The following AP2A2 variants were observed in gnomAD, a reference collection of about 807,000 sequenced individuals.
The protein encoded by AP2A2 is adaptor related protein complex 2 subunit alpha 2.
In AP2A2, 32 loss-of-function variants were observed where a neutral mutation model predicts 104.2. The ratio of observed to expected loss-of-function variants is 0.31; its 90% CI spans 0.23 to 0.41. The LOEUF (loss-of-function observed/expected upper bound fraction) is 0.41. Among genes scored for constraint, AP2A2 ranks in the 10% least tolerant of loss-of-function variants. AP2A2 has a pLI of 1.00. For missense variants in AP2A2, 912 were observed against 1,261.0 expected, an observed-to-expected ratio of 0.72 and a Z score of 4.19; for synonymous variants, 539 against 533.3, an observed-to-expected ratio of 1.01 and a Z score of -0.15.
intron 4 of AP2A2, among the ~76,000 whole-genome samples, chr11:973,219 C>T (rs374094712): frequency 6.4e-4 from 98 of 152,324 alleles, no homozygotes; most frequent in African/African-American, 2.2e-3. Flanking sequence ...CCTAGACCGG[C>T]GTCTCAACTG....
At chr11:1,005,487 G>A (rs999563569) in intron 16 of AP2A2, among the ~76,000 whole-genome samples, 1 of 152,174 alleles carries the variant, frequency 6.6e-6, no homozygotes, top group African/African-American at 2.4e-5. Flanking sequence ...GAAGGTGAAT[G>A]TTAGTGTATT....
At position 1,010,612 on chromosome 11, in the gene AP2A2, C is replaced by T. The variant is rs1856394457; in HGVS notation, c.2807C>T (p.Ser936Leu). 6.3e-7 allele frequency: 1 copy of T among 1,595,156 alleles called. No individual in the cohort carries two copies. Among genetic ancestry groups the T allele is most frequent in the Non-Finnish European group, 8.5e-7 (1 of 1,170,854 alleles). Residue 936 changes from serine (S) to leucine (L), a missense_variant, in exon 22 of 22, where the codon TCA becomes TTA. By Grantham distance (145) the Ser-to-Leu change is moderately radical (BLOSUM62 -2). Around this residue, in one of 7 missense-constraint regions of AP2A2, gnomAD observed 239 missense variants for 329.8 expected, o/e 0.72. Coordinates refer to ENST00000448903, the MANE Select transcript of AP2A2 (RefSeq NM_012305.4). Reference protein sequence around the residue: ...AVSQRLCELLSAQF With the variant: ...AVSQRLCELLLAQF ...TCTCAGAGATTATGTGAATTGCTCT[C>T]AGCGCAGTTTTAGTCCTGAGGATGG...
chr11:1,009,031 C>CT, intron 18 of AP2A2, 69 bp from the exon 19 acceptor site: 2 of 1,352,588 alleles, frequency 1.5e-6, no homozygotes, highest in Non-Finnish European at 2.1e-6. Context: ...ACTCCAGGCT[C>CT]TTTCCCGGTC....
chr11:932,801 C>G (rs1177387954), intron 1 of AP2A2: 1 of 455,724 alleles, frequency 2.2e-6, no homozygotes, highest in Non-Finnish European at 4.4e-6. Context: ...TCTTTTATGA[C>G]AAGTTGAAGT....
chr11:1,000,117 C>A (rs1328981324), intron 14 of AP2A2, among the ~76,000 whole-genome samples: 2 of 152,058 alleles, frequency 1.3e-5, no homozygotes, highest in Non-Finnish European at 2.9e-5. Context: ...TTTTTTATGT[C>A]TTTCATGGCA....
chr11:986,716 C>T (rs1052213658), intron 8 of AP2A2, 69 bp from the exon 9 acceptor site: 17 of 1,547,498 alleles, frequency 1.1e-5, no homozygotes, highest in East Asian at 7.0e-5. Context: ...CGTCGGGGAA[C>T]GCAGACTCTG....
At chr11:985,273 G>A (rs1486758767) in intron 7 of AP2A2, 162 bp from the exon 8 acceptor site, 5 of 939,108 alleles carry the variant, frequency 5.3e-6, no homozygotes, top group Non-Finnish European at 7.7e-6. Context: ...GTGAGCCACC[G>A]TGCCCGGCCT....
At chr11:941,000 G>A (rs1853627064) in intron 1 of AP2A2, 3 of 445,314 alleles carry the variant, frequency 6.7e-6, no homozygotes, top group South Asian at 4.7e-5. Context: ...GAGGCCCCTT[G>A]CTCCACACTC....
chr11:1,002,435 T>C (rs977876279), intron 15 of AP2A2, among the ~76,000 whole-genome samples: 1 of 152,262 alleles, frequency 6.6e-6, no homozygotes, highest in Non-Finnish European at 1.5e-5. Context: ...GTGTGTTGCT[T>C]AGACCACACT....
chr11:985,726 C>A, intron 8 of AP2A2, 144 bp downstream of exon 8: 1 of 1,212,796 alleles, frequency 8.2e-7, no homozygotes, highest in Non-Finnish European at 1.1e-6. Flanking sequence ...CTGCCGGATG[C>A]TTTTTTTCTT....
chr11:993,376 A>G lies in AP2A2; in HGVS notation c.1545A>G (p.Arg515=). 1.2e-6 allele frequency: 2 copies of G among 1,609,156 alleles called. No homozygotes were observed. Among genetic ancestry groups the G allele is most frequent in the Non-Finnish European group, 1.7e-6 (2 of 1,178,528 alleles). ...GAAACTTGATAGCTGGAGACCCGAGATCCAGGTGAGAGGCCCTTTGCGAGT... is the reference window on the plus strand; with the variant it reads ...GAAACTTGATAGCTGGAGACCCGAGGTCCAGGTGAGAGGCCCTTTGCGAGT... ...EFGNLIAGDP[R]SSPLIQFHLL... Residue 515 remains arginine (R), a synonymous_variant, in exon 12 of 22, where the codon AGA becomes AGG. Coordinates refer to ENST00000448903, the MANE Select transcript of AP2A2 (RefSeq NM_012305.4). The surrounding 1 kb of genome is among the most constrained non-coding windows in gnomAD (Gnocchi z 8.2).
chr11:934,366 C>A (rs955435402), intron 1 of AP2A2, among the ~76,000 whole-genome samples: 1 of 152,146 alleles, frequency 6.6e-6, no homozygotes, highest in Non-Finnish European at 1.5e-5. Context: ...CTCAAGTGAT[C>A]CTCCCCCATC....
In AP2A2 at chr11:956,421, G is replaced by A. The variant is rs150809858; in HGVS notation, c.68-3016G>A. ...CAGGCGACCCACCTGCCTCTGATGA[G>A]GCACCACCATGCCTGGCCATATTTT... On this transcript the variant is annotated intron_variant, in intron 1 of 21. Coordinates refer to ENST00000448903, the MANE Select transcript of AP2A2 (RefSeq NM_012305.4). Among the ~76,000 whole-genome samples the A allele has an allele frequency of 3.0e-4, 45 of 152,176 alleles. No homozygotes were observed. In the East Asian group the frequency reaches 8.7e-3, roughly 29 times the overall value.
chr11:939,924 G>T (rs1853587754), intron 1 of AP2A2, among the ~76,000 whole-genome samples: 1 of 146,188 alleles, frequency 6.8e-6, no homozygotes, highest in African/African-American at 2.5e-5. Context: ...TTTTTTGAAA[G>T]TTAATGATTG....
chr11:982,240 G>A (rs562325825), intron 6 of AP2A2, among the ~76,000 whole-genome samples: 2 of 152,252 alleles, frequency 1.3e-5, no homozygotes, highest in Non-Finnish European at 2.9e-5. Flanking sequence ...TAGCAGAGAT[G>A]AGGTTTCACC....
chr11:986,477 T>G (rs1589996167), intron 8 of AP2A2, among the ~76,000 whole-genome samples: 1 of 152,300 alleles, frequency 6.6e-6, no homozygotes, highest in Admixed American at 6.5e-5. Flanking sequence ...GGTCACAGCT[T>G]GACCGGCCTC....
intron 15 of AP2A2, among the ~76,000 whole-genome samples, chr11:1,002,604 G>A (rs1254544761): frequency 2.0e-5 from 3 of 152,260 alleles, no homozygotes; most frequent in African/African-American, 7.2e-5. Context: ...GGCGAGCAGC[G>A]CCCTCCTGGC....
rs1299063307 is a variant in AP2A2 at position 968,260 on chromosome 11, GC to G, written c.137-1906del. Among the ~76,000 whole-genome samples, 1 of 152,196 alleles carries G rather than the reference GC, an allele frequency of 6.6e-6. No homozygotes were observed. Among genetic ancestry groups the G allele is most frequent in the African/African-American group, 2.4e-5 (1 of 41,456 alleles). On this transcript the variant is annotated intron_variant, in intron 2 of 21. Transcript: ENST00000448903. The surrounding 1 kb of genome is among the most constrained non-coding windows in gnomAD (Gnocchi z 4.2). ...GAGTGCTCTGTGACATCTCTGGGAG[GC>G]CCAGAGGTGATCCTGCATCACCCTC... is the stretch of plus-strand genomic sequence containing the variant.
Position 987,433 on chromosome 11 carries a change from A to G in AP2A2, c.1131+480A>G, listed in dbSNP as rs968148928. 2.6e-5 allele frequency among the ~76,000 whole-genome samples: 4 copies of G among 152,052 alleles called. No homozygotes were observed. In the South Asian group the frequency reaches 6.2e-4, roughly 24 times the overall value. ...GGGAGGCCGAGGCGGGTGGATCACA[A>G]GGTCAGGAGATCGAGACCATCCCGG... On this transcript the variant is annotated intron_variant, in intron 9 of 21. Coordinates refer to ENST00000448903, the MANE Select transcript of AP2A2 (RefSeq NM_012305.4).
Sources: gnomAD v4.1 joint callset for allele counts (sites outside exome capture counted in the v4.1 genomes callset) on GRCh38, gnomAD v4.1.1 for gene constraint, gnomAD v4.1.1 regional missense constraint, Gnocchi (gnomAD v3.1) non-coding constraint, MANE v1.5 for transcripts, NCBI Gene and HGNC (gene_info 2026-07-23, HGNC 2026-07-21) for gene names.